The following ODF2 variants were observed in gnomAD, a reference collection of about 807,000 sequenced individuals.
ODF2 encodes the protein outer dense fiber protein 2.
Under a neutral mutation model 110.2 loss-of-function variants are expected in ODF2, and 47 were observed. The ratio of observed to expected loss-of-function variants is 0.43; its 90% CI spans 0.34 to 0.54. ODF2 has a LOEUF of 0.54. Among genes scored for constraint, ODF2 ranks in the 20% least tolerant of loss-of-function variants. The pLI is 0.03. For missense variants in ODF2, 812 were observed against 1,054.5 expected (o/e 0.77, Z 3.19); for synonymous variants, 352 against 397.7 (o/e 0.89, Z 1.37).
intron 18 of ODF2, chr9:128,498,078 G>A (rs1845965498): frequency 5.6e-6 from 1 of 177,852 alleles, no homozygotes; most frequent in African/African-American, 2.4e-5. Flanking sequence ...CCTCTCTGAG[G>A]CTCAGTTTCT....
intron 6 of ODF2, among the ~76,000 whole-genome samples, chr9:128,472,350 G>A (rs1008333782): frequency 6.6e-6 from 1 of 152,144 alleles, no homozygotes; most frequent in Admixed American, 6.5e-5. Flanking sequence ...TGGAATTACA[G>A]GTGCCCACTA....
intron 4 of ODF2, among the ~76,000 whole-genome samples, chr9:128,463,716 G>A (rs1432620538): frequency 6.6e-6 from 1 of 152,250 alleles, no homozygotes; most frequent in Non-Finnish European, 1.5e-5. Context: ...AAACGCATAT[G>A]TTTGTATGTG....
chr9:128,491,991 G>T (rs192666655), intron 14 of ODF2, among the ~76,000 whole-genome samples: 1 of 150,116 alleles, frequency 6.7e-6, no homozygotes, highest in Non-Finnish European at 1.5e-5. Context: ...TCAGCCTCCC[G>T]AGTAGCTGGG....
At chr9:128,466,246 A>G (rs1003963033) in intron 4 of ODF2, among the ~76,000 whole-genome samples, 1 of 151,988 alleles carries the variant, frequency 6.6e-6, no homozygotes, top group Non-Finnish European at 1.5e-5. Flanking sequence ...CAGGCGGTTC[A>G]CCTGAGCTCA....
intron 13 of ODF2, among the ~76,000 whole-genome samples, chr9:128,487,299 G>A (rs1005382271): frequency 1.3e-5 from 2 of 152,282 alleles, no homozygotes; most frequent in Admixed American, 1.3e-4. Context: ...ATGGTTTCTT[G>A]GAGGGGGAGG....
intron 8 of ODF2, among the ~76,000 whole-genome samples, chr9:128,481,161 C>T (rs1039899924): frequency 6.6e-6 from 1 of 152,052 alleles, no homozygotes; most frequent in Admixed American, 6.6e-5. Flanking sequence ...ATTCACATTA[C>T]TTTTCAAATT....
At position 128,494,486 on chromosome 9, in the gene ODF2, G is replaced by A; in HGVS notation, c.1753-24G>A. On this transcript the variant is annotated intron_variant, in intron 16 of 20. Coordinates refer to ENST00000604420, the Ensembl canonical transcript of ODF2. The surrounding 1 kb of genome is among the most constrained non-coding windows in gnomAD (Gnocchi z 4.6). The stretch of plus-strand genomic sequence containing the variant: ...TCCTAACTGTGGGTCTTTCCTTCCT[G>A]TGGGTCTTTCCTTCCTGTTTCAGGC... 2 of 1,612,190 alleles carry A rather than the reference G, an allele frequency of 1.2e-6. No homozygotes were observed. The highest frequency in any genetic ancestry group is 1.7e-6 in the Non-Finnish European group (2 of 1,178,318).
chr9:128,457,939 ATATAT>A (rs1835341299), intron 2 of ODF2, among the ~76,000 whole-genome samples: 2 of 70,534 alleles, frequency 2.8e-5, no homozygotes, highest in African/African-American at 5.0e-5. Context: ...ATATATATAT[ATATAT>A]TTTTTTTTTT....
In ODF2 at chr9:128,494,424, A is replaced by G; in HGVS notation, c.1753-86A>G. 1 of 1,270,466 alleles carries G rather than the reference A, an allele frequency of 7.9e-7. No individual in the cohort carries two copies. The highest frequency in any genetic ancestry group is 1.1e-6 in the Non-Finnish European group (1 of 887,892). 78.7% of individuals were successfully genotyped at this position (1,270,466 alleles called of 1,614,324 possible). A position where few individuals can be genotyped will look rare whatever the true frequency, so the allele number is the denominator to read the frequency against. On this transcript the variant is annotated intron_variant, in intron 16 of 20. Coordinates refer to ENST00000604420, the Ensembl canonical transcript of ODF2. This position sits in a 1 kb window ranked among gnomAD's most constrained non-coding sequence, Gnocchi z 4.6. ...ACTGTGTCAGCCCTGCCCTAACTCTAAAGGACTCTGCCTGGCTCCACTAGG... is the reference window on the plus strand; with the variant it reads ...ACTGTGTCAGCCCTGCCCTAACTCTGAAGGACTCTGCCTGGCTCCACTAGG...
intron 8 of ODF2, 109 bp from the exon 9 acceptor site, chr9:128,481,471 T>TA (rs111998298): frequency 0.14 from 93,914 of 658,390 alleles, 300 homozygotes; most frequent in East Asian, 0.2. Context: ...AGTAAGACTC[T>TA]AAAAAAAAAA....
At chr9:128,464,892 A>T (rs1176929521) in intron 4 of ODF2, among the ~76,000 whole-genome samples, 1 of 92,240 alleles carries the variant, frequency 1.1e-5, no homozygotes, top group Non-Finnish European at 2.1e-5. Context: ...ACGGGGTTTC[A>T]CCGTTTTAGC....
intron 18 of ODF2, 114 bp from the exon 19 acceptor site, chr9:128,498,299 G>A: frequency 7.2e-7 from 1 of 1,387,302 alleles, no homozygotes; most frequent in Non-Finnish European, 9.4e-7. Flanking sequence ...GTGGCTCCTT[G>A]GAGATTCTTG....
chr9:128,464,237 C>T (rs1361767761), intron 4 of ODF2, among the ~76,000 whole-genome samples: 1 of 147,310 alleles, frequency 6.8e-6, no homozygotes, highest in East Asian at 2.0e-4. Context: ...CTCACTACAA[C>T]CTCCATTTCC....
chr9:128,480,386 C>G (rs1842170970), intron 8 of ODF2, among the ~76,000 whole-genome samples: 1 of 152,226 alleles, frequency 6.6e-6, no homozygotes, highest in Non-Finnish European at 1.5e-5. Context: ...CACATGGTTA[C>G]CTTTTTGTGT....
intron 14 of ODF2, among the ~76,000 whole-genome samples, chr9:128,489,523 C>T (rs527718794): frequency 1.4e-4 from 21 of 152,084 alleles, no homozygotes; most frequent in Non-Finnish European, 2.2e-4. Flanking sequence ...CTGGGCCTGG[C>T]GTCTACTCTG....
chr9:128,490,209 T>C (rs928053418), intron 14 of ODF2, among the ~76,000 whole-genome samples: 1 of 152,120 alleles, frequency 6.6e-6, no homozygotes. Flanking sequence ...GGATTAGTTA[T>C]AGTATGGTGC....
Position 128,497,443 on chromosome 9 carries a change from AAAAATATATATATATATATAT to A in ODF2, c.2013-968_2013-948del, listed in dbSNP as rs1362023125. 2.7e-4 allele frequency: 23 copies of A among 84,294 alleles called. 1 individual carries two copies. Among genetic ancestry groups the A allele is most frequent in the African/African-American group, 9.1e-4 (12 of 13,146 alleles). 5.2% of individuals were successfully genotyped at this position (84,294 alleles called of 1,614,324 possible). ...TCTACTAAAAAAAAAAAAAAAAAAA[AAAAATATATATATATATATAT>A]ATATATATATATATATATATATGTA... On this transcript the variant is annotated intron_variant, in intron 18 of 20. Transcript: ENST00000604420.
chr9:128,467,006 AAAAAAAAAATATATATATATATATATAT>A (rs1838246047), intron 4 of ODF2, among the ~76,000 whole-genome samples: 1 of 59,830 alleles, frequency 1.7e-5, no homozygotes. Flanking sequence ...AAAAAAAAAA[AAAAAAAAAATATATATATATATATATAT>A]ATATATATAT....
intron 18 of ODF2, among the ~76,000 whole-genome samples, chr9:128,496,894 A>AT (rs1296595687): frequency 6.6e-6 from 1 of 151,982 alleles, no homozygotes; most frequent in East Asian, 1.9e-4. Flanking sequence ...TGCCTGGCTA[A>AT]TTTTTGTATT....
Sources: gnomAD v4.1 joint callset for allele counts (sites outside exome capture counted in the v4.1 genomes callset) on GRCh38, gnomAD v4.1.1 for gene constraint, Gnocchi (gnomAD v3.1) non-coding constraint, MANE v1.5 for transcripts, NCBI Gene and HGNC (gene_info 2026-07-23, HGNC 2026-07-21) for gene names.